AGTR1: variants seen among roughly 807,000 people sequenced by gnomAD.
AGTR1 encodes the protein angiotensin II receptor type 1.
In AGTR1, 16 loss-of-function variants were observed where a neutral mutation model predicts 19.4. That is an observed-to-expected ratio of 0.82 (90% CI 0.56 to 1.25). The LOEUF (loss-of-function observed/expected upper bound fraction) is 1.25. Ranked by LOEUF, AGTR1 falls within the 50% of genes most tolerant of loss-of-function variation. AGTR1 has a pLI of 0.00. For missense variants in AGTR1, 373 were observed against 431.9 expected (o/e 0.86, Z 1.21); for synonymous variants, 153 against 154.9 (o/e 0.99, Z 0.09).
In AGTR1 at chr3:148,741,469, C is replaced by T; in HGVS notation, c.434C>T (p.Ala145Val). 6.2e-7 allele frequency: 1 copy of T among 1,612,600 alleles called. No homozygotes were observed. Among genetic ancestry groups the T allele is most frequent in the Non-Finnish European group, 8.5e-7 (1 of 1,179,984 alleles). The change falls in exon 3 of 3, where the codon GCC becomes GTC. Residue 145 changes from alanine to valine, a missense_variant. Physicochemically the swap from Ala to Val is moderately conservative, Grantham distance 64. Coordinates refer to ENST00000349243, the MANE Select transcript of AGTR1 (RefSeq NM_000685.5). ...KSRLRRTMLV[A>V]KVTCIIIWLL... ...CGCCTTCGACGCACAATGCTTGTAGCCAAAGTCACCTGCATCATCATTTGG... is the reference window on the plus strand; with the variant it reads ...CGCCTTCGACGCACAATGCTTGTAGTCAAAGTCACCTGCATCATCATTTGG...
chr3:148,722,480 C>T (rs184942374), intron 2 of AGTR1, among the ~76,000 whole-genome samples: 57 of 152,324 alleles, frequency 3.7e-4, no homozygotes, highest in Non-Finnish European at 7.1e-4. Flanking sequence ...CTCCCAGCAG[C>T]TGAATACTTC....
intron 2 of AGTR1, among the ~76,000 whole-genome samples, chr3:148,733,722 C>T (rs563136853): frequency 1.9e-4 from 29 of 152,104 alleles, no homozygotes; most frequent in East Asian, 9.7e-4. Flanking sequence ...TGAAATGTGG[C>T]GATAATTCTT....
rs925359743 is a variant in AGTR1, at chr3:148,723,192, A to G, written c.-48+15165A>G. ...CTTTTTTTATGTGTGTGTATTCCCA[A>G]ATCTGCAGTGAATGTATTTAGGAAA... On this transcript the variant is annotated intron_variant, in intron 2 of 2. Coordinates refer to ENST00000349243, the MANE Select transcript of AGTR1 (RefSeq NM_000685.5). Among the ~76,000 whole-genome samples, 3 of 152,150 alleles carry G rather than the reference A, an allele frequency of 2.0e-5. No individual in the cohort carries two copies. The East Asian group carries it at 5.8e-4, about 29-fold the overall frequency.
At chr3:148,739,717 A>T in intron 2 of AGTR1, 1 of 1,158,942 alleles carries the variant, frequency 8.6e-7, no homozygotes, top group Non-Finnish European at 1.1e-6. Flanking sequence ...CTCTAAGAAC[A>T]TGTGTTCAGC....
intron 1 of AGTR1, among the ~76,000 whole-genome samples, chr3:148,707,323 A>G (rs1274464666): frequency 2.0e-5 from 3 of 152,190 alleles, no homozygotes; most frequent in African/African-American, 7.2e-5. Flanking sequence ...AGAAGGAGAC[A>G]TAGGTAACTA....
Position 148,742,351 on chromosome 3 carries a change from C to CA in AGTR1, c.*238dup. 2 of 638,486 alleles carry CA rather than the reference C, an allele frequency of 3.1e-6. No individual in the cohort carries two copies. The highest frequency in any genetic ancestry group is 5.7e-6 in the Non-Finnish European group (2 of 348,194). The allele number at this position is 638,486 out of a possible 1,614,324, so 39.6% of individuals were successfully genotyped here. A position where few individuals can be genotyped will look rare whatever the true frequency, so the allele number is the denominator to read the frequency against. On this transcript the variant is annotated 3_prime_UTR_variant, in exon 3 of 3. Coordinates refer to ENST00000349243, the MANE Select transcript of AGTR1 (RefSeq NM_000685.5). ...AGACAGATGACGGCTGCTCGAAGAA[C>CA]AATGTCAGAAACTCGATGAATGTGT... is the stretch of plus-strand genomic sequence containing the variant.
intron 1 of AGTR1, among the ~76,000 whole-genome samples, chr3:148,699,390 T>TAA (rs1712191378): frequency 2.0e-5 from 3 of 152,172 alleles, no homozygotes; most frequent in Admixed American, 2.0e-4. Context: ...GAAACTGCCA[T>TAA]ACTTCCCTTG....
intron 1 of AGTR1, among the ~76,000 whole-genome samples, chr3:148,706,199 T>G (rs919143630): frequency 5.3e-5 from 8 of 151,364 alleles, no homozygotes; most frequent in African/African-American, 2.0e-4. Flanking sequence ...ACTATAAATC[T>G]GACCCTTTCT....
intron 2 of AGTR1, among the ~76,000 whole-genome samples, chr3:148,711,335 G>C (rs1368072197): frequency 6.6e-6 from 1 of 152,086 alleles, no homozygotes; most frequent in African/African-American, 2.4e-5. Flanking sequence ...ATTTGTCTTT[G>C]AGTCATCAAA....
intron 2 of AGTR1, among the ~76,000 whole-genome samples, chr3:148,714,822 T>C (rs1713198273): frequency 6.6e-6 from 1 of 152,136 alleles, no homozygotes. Flanking sequence ...CAAATATGCA[T>C]TGCCTATCAC....
Position 148,716,227 on chromosome 3 carries a change from A to G in AGTR1, c.-48+8200A>G, listed in dbSNP as rs1713298210. Among the ~76,000 whole-genome samples the G allele has an allele frequency of 1.3e-5, 2 of 152,078 alleles. No homozygotes were observed. Among genetic ancestry groups the G allele is most frequent in the Non-Finnish European group, 1.5e-5 (1 of 68,006 alleles). On this transcript the variant is annotated intron_variant, in intron 2 of 2. Coordinates refer to ENST00000349243, the MANE Select transcript of AGTR1 (RefSeq NM_000685.5). This position sits in a 1 kb window ranked among gnomAD's most constrained non-coding sequence, Gnocchi z 4.7. ...TATACTCCCTTTCCTAGTCTACCCT[A>G]TCCCACAACGGAACCATACTTCTCT...
chr3:148,738,802 ACT>A lies in AGTR1; in HGVS notation c.-47-2184_-47-2183del, dbSNP rs1323946265. ...GTTGACACTGAGTATTCTCTGTGAA[ACT>A]CTGCAAGGAGCAACATGTGATTTCA... On this transcript the variant is annotated intron_variant, in intron 2 of 2. Coordinates refer to ENST00000349243, the MANE Select transcript of AGTR1 (RefSeq NM_000685.5). Among the ~76,000 whole-genome samples the A allele has an allele frequency of 2.6e-5, 4 of 152,048 alleles. No homozygotes were observed. The East Asian group carries it at 7.7e-4, about 29-fold the overall frequency.
At chr3:148,730,613 C>G (rs571292725) in intron 2 of AGTR1, 5 of 159,328 alleles carry the variant, frequency 3.1e-5, no homozygotes, top group African/African-American at 1.2e-4. Context: ...GCCTGTTCAT[C>G]AGGATTATCA....
At chr3:148,714,518 A>C (rs1384663715) in intron 2 of AGTR1, among the ~76,000 whole-genome samples, 1 of 152,156 alleles carries the variant, frequency 6.6e-6, no homozygotes, top group African/African-American at 2.4e-5. Context: ...GGATAACAAA[A>C]GTGAAATCAA....
Position 148,741,771 on chromosome 3 carries a change from G to T in AGTR1, c.736G>T (p.Val246Leu). The part of the protein sequence containing the change: ...DDIFKIIMAI[V>L]LFFFFSWIPH... ...TATTTTTAAGATAATTATGGCAATT[G>T]TGCTTTTCTTTTTCTTTTCCTGGAT... Residue 246 changes from valine (V) to leucine (L), a missense_variant, in exon 3 of 3, where the codon GTG (valine) becomes TTG (leucine). Transcript: ENST00000349243. The T allele has an allele frequency of 6.2e-7, 1 of 1,613,228 alleles. No individual in the cohort carries two copies. The highest frequency in any genetic ancestry group is 8.5e-7 in the Non-Finnish European group (1 of 1,179,898).
intron 1 of AGTR1, among the ~76,000 whole-genome samples, chr3:148,705,140 AT>A (rs1389224478): frequency 1.3e-5 from 2 of 152,138 alleles, no homozygotes; most frequent in Admixed American, 1.3e-4. Flanking sequence ...AAGCCCCAAT[AT>A]TTGTGGCTGT....
Position 148,729,647 on chromosome 3 carries a change from C to T in AGTR1, c.-47-11342C>T, listed in dbSNP as rs12721256. On this transcript the variant is annotated intron_variant, in intron 2 of 2. Coordinates refer to ENST00000349243, the MANE Select transcript of AGTR1 (RefSeq NM_000685.5). ...TGTTTACCTTTTATTGGCCTGGCAT[C>T]GGTGTCTCTTATCACAGGATATTTA... is the stretch of plus-strand genomic sequence containing the variant. Among the ~76,000 whole-genome samples, 1,411 of 152,230 alleles carry T rather than the reference C, an allele frequency of 9.3e-3. 8 individuals carry two copies. The highest frequency in any genetic ancestry group is 0.013 in the Non-Finnish European group (879 of 68,020).
At chr3:148,734,994 A>C (rs1209093352) in intron 2 of AGTR1, among the ~76,000 whole-genome samples, 2 of 152,328 alleles carry the variant, frequency 1.3e-5, no homozygotes, top group Admixed American at 1.3e-4. Context: ...TTAAATACAG[A>C]ATGCCAGATC....
chr3:148,715,169 A>G (rs1398233411), intron 2 of AGTR1, among the ~76,000 whole-genome samples: 1 of 152,176 alleles, frequency 6.6e-6, no homozygotes, highest in Non-Finnish European at 1.5e-5. Flanking sequence ...AAATGTACAG[A>G]TAATCTGGAT....
Sources: gnomAD v4.1 joint callset for allele counts (sites outside exome capture counted in the v4.1 genomes callset) on GRCh38, gnomAD v4.1.1 for gene constraint, Gnocchi (gnomAD v3.1) non-coding constraint, MANE v1.5 for transcripts, NCBI Gene and HGNC (gene_info 2026-07-23, HGNC 2026-07-21) for gene names.